RASA3: variants seen among roughly 807,000 people sequenced by gnomAD.
The protein encoded by RASA3 is ras GTPase-activating protein 3.
In RASA3, 73 loss-of-function variants were observed where a neutral mutation model predicts 110.0. That is an observed-to-expected ratio of 0.66 (90% confidence interval 0.55 to 0.81). The LOEUF is 0.81. Ranked by LOEUF, RASA3 falls within the 30% of genes least tolerant of loss-of-function variation. The pLI is 0.00. For synonymous variants in RASA3, 500 were observed against 451.4 expected, an observed-to-expected ratio of 1.11 and a Z score of -1.37; for missense variants, 976 against 1,113.2, an observed-to-expected ratio of 0.88 and a Z score of 1.75.
At position 114,115,568 on chromosome 13, in the gene RASA3, G is replaced by C. The variant is rs944253117; in HGVS notation, c.55+16867C>G. ...CCGTCGGAGGCAGAGTGCAGGCCTC[G>C]AAGCAGCTGGTCATGTCCACGCCCT... On this transcript the variant is annotated intron_variant, in intron 1 of 23. Transcript: ENST00000334062. This position sits in a 1 kb window ranked among gnomAD's most constrained non-coding sequence, Gnocchi z 5.0. 3.3e-5 allele frequency among the ~76,000 whole-genome samples: 5 copies of C among 152,190 alleles called. No homozygotes were observed. Among genetic ancestry groups the C allele is most frequent in the African/African-American group, 9.7e-5 (4 of 41,436 alleles).
intron 12 of RASA3, among the ~76,000 whole-genome samples, chr13:114,016,813 C>G (rs1265164586): frequency 6.6e-6 from 1 of 152,290 alleles, no homozygotes; most frequent in East Asian, 1.9e-4. Flanking sequence ...AAACGGGGGG[C>G]ACAGCCTGGC....
intron 1 of RASA3, among the ~76,000 whole-genome samples, chr13:114,118,166 T>C (rs1264173148): frequency 6.6e-6 from 1 of 152,106 alleles, no homozygotes; most frequent in Non-Finnish European, 1.5e-5. Flanking sequence ...TATTTATCCC[T>C]TACTCTATAA....
At position 114,126,161 on chromosome 13, in the gene RASA3, G is replaced by T. The variant is rs1172682375; in HGVS notation, c.55+6274C>A. Among the ~76,000 whole-genome samples the T allele has an allele frequency of 3.9e-5, 5 of 129,032 alleles. No homozygotes were observed. The South Asian group carries it at 1.5e-3, about 38-fold the overall frequency. 84.7% of individuals were successfully genotyped at this position (129,032 alleles called of 152,430 possible). A position where few individuals can be genotyped will look rare whatever the true frequency, so the allele number is the denominator to read the frequency against. ...AACCTCGCACCCTCCAGAGGTACCG[G>T]CACCTGCTGTCCAACCTCGCACCCT... is the stretch of plus-strand genomic sequence containing the variant. On this transcript the variant is annotated intron_variant, in intron 1 of 23. Coordinates refer to ENST00000334062, the MANE Select transcript of RASA3 (RefSeq NM_007368.4).
chr13:114,097,126 C>T (rs1410855858), intron 1 of RASA3, among the ~76,000 whole-genome samples: 1 of 152,222 alleles, frequency 6.6e-6, no homozygotes. Context: ...CACACATCCC[C>T]TCCTGAACCG....
intron 3 of RASA3, among the ~76,000 whole-genome samples, chr13:114,043,198 C>G (rs1398463032): frequency 6.6e-6 from 1 of 152,166 alleles, no homozygotes. Context: ...AGCGCAAGGT[C>G]GGCCACATGA....
intron 2 of RASA3, among the ~76,000 whole-genome samples, chr13:114,069,215 G>A (rs2079510860): frequency 6.6e-6 from 1 of 151,994 alleles, no homozygotes; most frequent in Admixed American, 6.5e-5. Flanking sequence ...CGGCGATATT[G>A]GGCAACAGCA....
At chr13:114,062,003 A>C (rs1341324902) in intron 2 of RASA3, among the ~76,000 whole-genome samples, 1 of 152,166 alleles carries the variant, frequency 6.6e-6, no homozygotes, top group African/African-American at 2.4e-5. Flanking sequence ...CACGGTGGGC[A>C]GAAAAGGCGG....
chr13:114,001,007 A>G (rs1241975467), intron 18 of RASA3, 75 bp from the exon 19 acceptor site: 17 of 925,084 alleles, frequency 1.8e-5, no homozygotes, highest in Non-Finnish European at 3.0e-5. Context: ...CACACCCCCC[A>G]CTTTCTGCGT....
intron 1 of RASA3, among the ~76,000 whole-genome samples, chr13:114,100,750 T>C (rs2080047733): frequency 6.6e-6 from 1 of 152,172 alleles, no homozygotes; most frequent in Admixed American, 6.5e-5. Flanking sequence ...TCCAGCCGTT[T>C]GGGAACTGTG....
intron 18 of RASA3, among the ~76,000 whole-genome samples, chr13:114,004,210 T>C (rs1475351409): frequency 6.7e-6 from 1 of 149,160 alleles, no homozygotes; most frequent in Non-Finnish European, 1.5e-5. Flanking sequence ...TCCACAAAAA[T>C]AGACAAATGG....
Position 114,056,509 on chromosome 13 carries a change from T to C in RASA3, c.174-4354A>G. On this transcript the variant is annotated intron_variant, in intron 2 of 23. Transcript: ENST00000334062. This position sits in a 1 kb window ranked among gnomAD's most constrained non-coding sequence, Gnocchi z 5.7. ...TGCGGCGTCCCTGGGCGCTGCCCGG[T>C]AGCGGGGTGTTCAGTTGCTCTGCCA... 1.0e-6 allele frequency: 1 copy of C among 985,054 alleles called. No homozygotes were observed. 61.0% of individuals were successfully genotyped at this position (985,054 alleles called of 1,614,324 possible).
chr13:114,067,302 A>C (rs570911304), intron 2 of RASA3, among the ~76,000 whole-genome samples: 5 of 152,282 alleles, frequency 3.3e-5, no homozygotes, highest in African/African-American at 1.2e-4. Context: ...GGGGCTGAGG[A>C]TGGGTCCCCT....
At chr13:114,038,429 C>A (rs114379975) in intron 4 of RASA3, among the ~76,000 whole-genome samples, 1 of 152,266 alleles carries the variant, frequency 6.6e-6, no homozygotes, top group Non-Finnish European at 1.5e-5. Context: ...TTCCACAGCA[C>A]GTGTGGGTTC....
chr13:114,040,976 C>T, intron 4 of RASA3, 24 bp downstream of exon 4: 3 of 1,611,518 alleles, frequency 1.9e-6, no homozygotes, highest in Non-Finnish European at 1.7e-6. Flanking sequence ...GCTCTGGTTT[C>T]CGGGGCTGCG....
intron 1 of RASA3, among the ~76,000 whole-genome samples, chr13:114,104,296 G>A (rs1166001830): frequency 1.0e-5 from 1 of 97,266 alleles, no homozygotes; most frequent in South Asian, 3.7e-4. Flanking sequence ...CGCTGTCCCC[G>A]GCCACGGACA....
In RASA3 at chr13:114,024,494, C is replaced by T. The variant is rs116794641; in HGVS notation, c.604-139G>A. ...GGGCCACAACCAGGAAGGCGCCAGG[C>T]GGGATTCGGGATTCAGGCCTGGCTT... On this transcript the variant is annotated intron_variant, in intron 7 of 23. Coordinates refer to ENST00000334062, the MANE Select transcript of RASA3 (RefSeq NM_007368.4). The T allele has an allele frequency of 9.4e-4, 700 of 748,086 alleles. 4 individuals carry two copies. The African/African-American group carries it at 0.011, about 11-fold the overall frequency. 46.3% of individuals were successfully genotyped at this position (748,086 alleles called of 1,614,324 possible). A position where few individuals can be genotyped will look rare whatever the true frequency, so the allele number is the denominator to read the frequency against.
intron 4 of RASA3, among the ~76,000 whole-genome samples, chr13:114,037,922 C>T (rs9590529): frequency 0.09 from 13,640 of 151,442 alleles, 1,324 homozygotes; most frequent in African/African-American, 0.23. Context: ...TCGGGGGAGC[C>T]GGGAGAAGGG....
intron 4 of RASA3, chr13:114,035,841 CTTTG>C (rs1055361866): frequency 3.3e-5 from 5 of 152,260 alleles, no homozygotes; most frequent in South Asian, 2.1e-4. Flanking sequence ...CGGACGGTGA[CTTTG>C]TTTGCTCCGA....
chr13:114,015,312 C>T lies in RASA3; in HGVS notation c.1302G>A (p.Val434=). The part of the protein sequence containing the change: ...ENNMENLRQY[V]DRVFHAITES... ...CAGTGATGGCGTGGAAGACGCGGTC[C>T]ACATACTGCCGTAGGTTCTCCTGCA... is the stretch of plus-strand genomic sequence containing the variant. Residue 434 remains valine, a synonymous_variant, in exon 14 of 24, where the codon GTG becomes GTA. Transcript: ENST00000334062. 1 of 1,613,000 alleles carries T rather than the reference C, an allele frequency of 6.2e-7. No homozygotes were observed. Among genetic ancestry groups the T allele is most frequent in the Non-Finnish European group, 8.5e-7 (1 of 1,179,978 alleles).
Sources: gnomAD v4.1 joint callset for allele counts (sites outside exome capture counted in the v4.1 genomes callset) on GRCh38, gnomAD v4.1.1 for gene constraint, Gnocchi (gnomAD v3.1) non-coding constraint, MANE v1.5 for transcripts, NCBI Gene and HGNC (gene_info 2026-07-23, HGNC 2026-07-21) for gene names.